Variants in GREB1L observed in about 807,000 individuals in gnomAD.
GREB1L encodes GREB1 like retinoic acid receptor coactivator, also known as GREB1-like protein.
GREB1L carries 17 observed loss-of-function variants against 200.8 expected under a neutral mutation model. The observed-to-expected ratio is 0.08, with a 90% CI of 0.06 to 0.13. GREB1L has a LOEUF of 0.13. Among genes scored for constraint, GREB1L ranks in the 10% least tolerant of loss-of-function variants. The pLI, the probability that GREB1L is intolerant of heterozygous loss-of-function variation, is 1.00. For synonymous variants in GREB1L, 789 were observed against 893.0 expected (o/e 0.88, Z 2.08); for missense variants, 1,657 against 2,367.7 (o/e 0.70, Z 6.23).
At position 21,526,013 on chromosome 18, in the gene GREB1L, A is replaced by AAAGAC. The variant is rs1411254499; in HGVS notation, c.*3193_*3197dup. On this transcript the variant is annotated 3_prime_UTR_variant, in exon 33 of 33. Transcript: ENST00000424526. ...ATACATTCCAAAGCAGCTGCCTTGA[A>AAAGAC]AAGACTATTAATTAACTGTGAAACT... Among the ~76,000 whole-genome samples the AAAGAC allele has an allele frequency of 6.6e-6, 1 of 152,166 alleles. No individual in the cohort carries two copies. Among genetic ancestry groups the AAAGAC allele is most frequent in the Non-Finnish European group, 1.5e-5 (1 of 68,026 alleles).
chr18:21,330,589 G>T (rs2145032744), intron 1 of GREB1L, among the ~76,000 whole-genome samples: 1 of 152,216 alleles, frequency 6.6e-6, no homozygotes, highest in East Asian at 1.9e-4. Context: ...GACCTATACT[G>T]CTCTGACTCA....
chr18:21,340,728 A>G (rs966882536), intron 1 of GREB1L, among the ~76,000 whole-genome samples: 27 of 151,970 alleles, frequency 1.8e-4, no homozygotes, highest in African/African-American at 5.5e-4. Flanking sequence ...TATTTTTAGT[A>G]GAGACGGGGT....
chr18:21,396,955 A>G (rs1415292892), intron 5 of GREB1L, among the ~76,000 whole-genome samples: 2 of 152,230 alleles, frequency 1.3e-5, no homozygotes, highest in Non-Finnish European at 1.5e-5. Flanking sequence ...CACAAATATC[A>G]GTAAAAAGGA....
intron 1 of GREB1L, among the ~76,000 whole-genome samples, chr18:21,328,861 C>T (rs1567938871): frequency 1.3e-5 from 2 of 152,012 alleles, no homozygotes; most frequent in Non-Finnish European, 2.9e-5. Flanking sequence ...TTGTTAAAAC[C>T]ACCTTGTGAA....
At chr18:21,412,560 T>A (rs1333078116) in intron 7 of GREB1L, among the ~76,000 whole-genome samples, 1 of 152,200 alleles carries the variant, frequency 6.6e-6, no homozygotes, top group African/African-American at 2.4e-5. Context: ...TCCAATATTA[T>A]TTCATTTCTA....
intron 2 of GREB1L, among the ~76,000 whole-genome samples, chr18:21,376,940 A>G (rs2040101871): frequency 2.0e-5 from 3 of 152,136 alleles, no homozygotes; most frequent in Non-Finnish European, 2.9e-5. Context: ...TTTTATTGTA[A>G]AATTACAAAA....
Position 21,287,006 on chromosome 18 carries a change from G to A in GREB1L, c.-120+44613G>A, listed in dbSNP as rs879727476. ...CTACTTCTAGTCATGTAGCTTCTCCGAACTACATGCTTAGGTTTTTAAGGT... is the reference window on the plus strand; with the variant it reads ...CTACTTCTAGTCATGTAGCTTCTCCAAACTACATGCTTAGGTTTTTAAGGT... On this transcript the variant is annotated intron_variant, in intron 1 of 32. Transcript: ENST00000424526. 3.9e-5 allele frequency among the ~76,000 whole-genome samples: 6 copies of A among 152,044 alleles called. No homozygotes were observed. In the South Asian group the frequency reaches 8.3e-4, roughly 21 times the overall value.
chr18:21,360,659 T>A (rs2039568872), intron 1 of GREB1L, among the ~76,000 whole-genome samples: 1 of 152,252 alleles, frequency 6.6e-6, no homozygotes, highest in Admixed American at 6.5e-5. Context: ...TGGTGCAAAG[T>A]GTTAATGTGA....
At chr18:21,414,865 CAAA>C (rs1436490024) in intron 7 of GREB1L, among the ~76,000 whole-genome samples, 1 of 152,088 alleles carries the variant, frequency 6.6e-6, no homozygotes, top group Non-Finnish European at 1.5e-5. Flanking sequence ...AAAATACAGA[CAAA>C]AATACATTAA....
intron 1 of GREB1L, among the ~76,000 whole-genome samples, chr18:21,325,460 G>A (rs2039008093): frequency 6.6e-6 from 1 of 151,974 alleles, no homozygotes; most frequent in Admixed American, 6.6e-5. Context: ...CAGAGAATAT[G>A]GTCATGCTGA....
At chr18:21,441,343 T>A in intron 9 of GREB1L, 57 bp from the exon 10 acceptor site, 1 of 1,414,266 alleles carries the variant, frequency 7.1e-7, no homozygotes, top group African/African-American at 1.5e-5. Flanking sequence ...CATTGCTTTC[T>A]ATTGTATTTC....
chr18:21,518,026 G>A lies in GREB1L; in HGVS notation c.5272-8G>A, dbSNP rs1344057950. The A allele has an allele frequency of 4.5e-6, 7 of 1,549,384 alleles. No individual in the cohort carries two copies. In the East Asian group the frequency reaches 1.7e-4, roughly 38 times the overall value. On this transcript the variant is annotated splice_polypyrimidine_tract_variant and splice_region_variant and intron_variant, in intron 30 of 32. Transcript: ENST00000424526. Reference sequence around the variant, plus strand: ...AGTTTCCCATGATCATCTCGCCTCTGATTTCAGGTGTCAGAGAGCTTAGCA... The same window carrying A: ...AGTTTCCCATGATCATCTCGCCTCTAATTTCAGGTGTCAGAGAGCTTAGCA...
rs369502451 is a variant in GREB1L, at chr18:21,518,072, C to T, written c.5310C>T (p.Tyr1770=). ...TAGCACCCATCTTGCCCCTTCAATACATCTGTGCTCCCGACAGTGAACACA... is the reference window on the plus strand; with the variant it reads ...TAGCACCCATCTTGCCCCTTCAATATATCTGTGCTCCCGACAGTGAACACA... ...ESLAPILPLQ[Y]ICAPDSEHTL... is the part of the protein sequence containing the mutation. Residue 1770 remains tyrosine, a synonymous_variant, in exon 31 of 33, where the codon TAC becomes TAT. Transcript: ENST00000424526. 2 of 1,551,518 alleles carry T rather than the reference C, an allele frequency of 1.3e-6. No homozygotes were observed. Among genetic ancestry groups the T allele is most frequent in the East Asian group, 2.4e-5 (1 of 40,926 alleles).
At chr18:21,510,380 C>T (rs1045270272) in intron 27 of GREB1L, among the ~76,000 whole-genome samples, 3 of 152,270 alleles carry the variant, frequency 2.0e-5, no homozygotes, top group South Asian at 2.1e-4. Flanking sequence ...CTCCCCTCAG[C>T]GTCTGGCAGC....
intron 31 of GREB1L, among the ~76,000 whole-genome samples, chr18:21,519,159 C>T (rs536531403): frequency 1.3e-5 from 2 of 152,100 alleles, no homozygotes; most frequent in Non-Finnish European, 2.9e-5. Context: ...TAGAAGGAAC[C>T]TTAAAAACCA....
intron 5 of GREB1L, 131 bp from the exon 6 acceptor site, chr18:21,401,019 C>T (rs563454140): frequency 4.4e-6 from 3 of 687,844 alleles, no homozygotes; most frequent in South Asian, 4.2e-5. Flanking sequence ...GGTTTTTTTC[C>T]CTCTGAATTA....
intron 25 of GREB1L, among the ~76,000 whole-genome samples, chr18:21,506,657 T>A (rs1451086417): frequency 6.6e-6 from 1 of 152,212 alleles, no homozygotes; most frequent in African/African-American, 2.4e-5. Flanking sequence ...CCACAGGGTG[T>A]GCCCTTTGAG....
At chr18:21,305,724 C>T (rs1000790802) in intron 1 of GREB1L, among the ~76,000 whole-genome samples, 1 of 152,212 alleles carries the variant, frequency 6.6e-6, no homozygotes, top group African/African-American at 2.4e-5. Flanking sequence ...GGAACAAAAT[C>T]TAAATTCTTT....
chr18:21,311,223 T>A (rs927280638), intron 1 of GREB1L, among the ~76,000 whole-genome samples: 1 of 152,232 alleles, frequency 6.6e-6, no homozygotes, highest in Non-Finnish European at 1.5e-5. Flanking sequence ...TTTTGACTTC[T>A]CTCACAAGAG....
Sources: gnomAD v4.1 joint callset for allele counts (sites outside exome capture counted in the v4.1 genomes callset) on GRCh38, gnomAD v4.1.1 for gene constraint, MANE v1.5 for transcripts, NCBI Gene and HGNC (gene_info 2026-07-23, HGNC 2026-07-21) for gene names.